L3MBTL1: variants seen among roughly 807,000 people sequenced by gnomAD.
L3MBTL1 encodes L3MBTL histone methyl-lysine binding protein 1.
L3MBTL1 carries 75 observed loss-of-function variants against 105.3 expected under a neutral mutation model. The ratio of observed to expected loss-of-function variants is 0.71; its 90% CI spans 0.59 to 0.86. The LOEUF (loss-of-function observed/expected upper bound fraction) is 0.86. Among genes scored for constraint, L3MBTL1 ranks in the 40% least tolerant of loss-of-function variants. L3MBTL1 has a pLI of 0.00. For missense variants in L3MBTL1, 1,069 were observed against 1,126.4 expected, an observed-to-expected ratio of 0.95 and a Z score of 0.73; for synonymous variants, 452 against 436.2, an observed-to-expected ratio of 1.04 and a Z score of -0.45.
chr20:43,512,144 C>T (rs185840436), intron 1 of L3MBTL1, among the ~76,000 whole-genome samples: 4 of 152,178 alleles, frequency 2.6e-5, no homozygotes, highest in East Asian at 3.9e-4. Flanking sequence ...AAAGCTTTTT[C>T]GACTGGAGAG....
chr20:43,508,902 C>G (rs2018057800), intron 1 of L3MBTL1, among the ~76,000 whole-genome samples: 1 of 152,204 alleles, frequency 6.6e-6, no homozygotes, highest in African/African-American at 2.4e-5. Flanking sequence ...GGGGTCTTTA[C>G]ACCTCATAGC....
At chr20:43,543,413 C>G (rs1043821862), downstream of L3MBTL1, among the ~76,000 whole-genome samples, 1 of 152,212 alleles carries the variant, frequency 6.6e-6, no homozygotes, top group Non-Finnish European at 1.5e-5. Flanking sequence ...ATCCTCCAGC[C>G]TATGCTTGGC....
At chr20:43,525,812 G>A (rs1045289893) in intron 7 of L3MBTL1, among the ~76,000 whole-genome samples, 1 of 152,164 alleles carries the variant, frequency 6.6e-6, no homozygotes, top group Non-Finnish European at 1.5e-5. Context: ...GACTCAAGGA[G>A]ACCATGTATA....
intron 9 of L3MBTL1, 45 bp from the exon 10 acceptor site, chr20:43,530,239 G>A (rs762993822): frequency 3.0e-5 from 48 of 1,612,266 alleles, no homozygotes; most frequent in Non-Finnish European, 3.9e-5. Context: ...TGGGGAGTGG[G>A]GCATCTCCTG....
At chr20:43,542,197 G>A (rs1285107908), downstream of L3MBTL1, among the ~76,000 whole-genome samples, 1 of 152,204 alleles carries the variant, frequency 6.6e-6, no homozygotes, top group African/African-American at 2.4e-5. Context: ...GCAACAGAAC[G>A]AAACTCTGTC....
At chr20:43,520,630 A>G (rs1257140550) in intron 7 of L3MBTL1, among the ~76,000 whole-genome samples, 1 of 152,124 alleles carries the variant, frequency 6.6e-6, no homozygotes, top group Non-Finnish European at 1.5e-5. Context: ...TTTGATTTGC[A>G]TTTCCCTGAT....
At chr20:43,520,381 G>A (rs1216074467) in intron 7 of L3MBTL1, among the ~76,000 whole-genome samples, 1 of 152,126 alleles carries the variant, frequency 6.6e-6, no homozygotes, top group East Asian at 1.9e-4. Context: ...TTTTTGTGTG[G>A]ACATATGGAC....
At chr20:43,543,322 C>T (rs994780082), downstream of L3MBTL1, among the ~76,000 whole-genome samples, 10 of 152,172 alleles carry the variant, frequency 6.6e-5, no homozygotes, top group Non-Finnish European at 8.8e-5. Flanking sequence ...CCACGTGGCA[C>T]GCTGTTTCAA....
rs1568928740 is a variant in L3MBTL1, at chr20:43,540,759, G to A, written c.2338G>A (p.Gly780Ser). The A allele has an allele frequency of 1.9e-6, 3 of 1,614,126 alleles. No homozygotes were observed. Among genetic ancestry groups the A allele is most frequent in the African/African-American group, 1.3e-5 (1 of 75,034 alleles). ...VAKWTIDEVF[G>S]FVQTLTGCED... is the part of the protein sequence containing the mutation. ...GTCATCTTTGGTTTCCAAGGTCTTCGGCTTTGTTCAGACCCTGACAGGTTG... is the reference window on the plus strand; with the variant it reads ...GTCATCTTTGGTTTCCAAGGTCTTCAGCTTTGTTCAGACCCTGACAGGTTG... Residue 780 changes from glycine (G) to serine (S), a missense_variant, in exon 21 of 22, where the codon GGC (glycine) becomes AGC (serine). Physicochemically the swap from Gly to Ser is moderately conservative, Grantham distance 56. Coordinates refer to ENST00000418998, the MANE Select transcript of L3MBTL1 (RefSeq NM_001377303.1).
At chr20:43,526,227 G>C (rs1043958550) in intron 7 of L3MBTL1, among the ~76,000 whole-genome samples, 1 of 152,186 alleles carries the variant, frequency 6.6e-6, no homozygotes, top group African/African-American at 2.4e-5. Flanking sequence ...GGTTTGGGAA[G>C]AGTGAGGCAA....
At chr20:43,532,456 G>A (rs906314864) in intron 11 of L3MBTL1, 2 of 262,606 alleles carry the variant, frequency 7.6e-6, no homozygotes, top group African/African-American at 2.2e-5. Flanking sequence ...GCTGGGAAGG[G>A]CTTGTCTGGG....
chr20:43,527,722 CTTT>C (rs113455397), intron 7 of L3MBTL1, among the ~76,000 whole-genome samples: 13 of 141,740 alleles, frequency 9.2e-5, no homozygotes, highest in Admixed American at 1.4e-4. Flanking sequence ...AAAAGTGTTT[CTTT>C]TTTTTTTTTT....
chr20:43,522,218 G>A (rs2018748131), intron 7 of L3MBTL1, among the ~76,000 whole-genome samples: 1 of 152,030 alleles, frequency 6.6e-6, no homozygotes, highest in African/African-American at 2.4e-5. Flanking sequence ...AGCCAGGCGT[G>A]GTGGCGTGCC....
chr20:43,530,607 C>T (rs915116499), intron 10 of L3MBTL1, 188 bp downstream of exon 10: 26 of 775,776 alleles, frequency 3.4e-5, no homozygotes, highest in East Asian at 8.0e-5. Context: ...CTAGAACTTC[C>T]GCTTTGCACT....
chr20:43,540,905 C>T, intron 21 of L3MBTL1, 29 bp from the exon 22 acceptor site: 1 of 1,613,256 alleles, frequency 6.2e-7, no homozygotes, highest in Non-Finnish European at 8.5e-7. Context: ...GTCACTTCTG[C>T]TAAGGAGGGA....
intron 1 of L3MBTL1, among the ~76,000 whole-genome samples, chr20:43,512,042 C>G (rs915136350): frequency 6.6e-6 from 1 of 152,004 alleles, no homozygotes; most frequent in Non-Finnish European, 1.5e-5. Context: ...GTCAGATTTT[C>G]TAGGGCAAAG....
Position 43,541,258 on chromosome 20 carries a change from G to T in L3MBTL1, c.*130G>T. On this transcript the variant is annotated 3_prime_UTR_variant, in exon 22 of 22. Transcript: ENST00000418998. ...ATCAAGAGCCAAGGAGTAGTGAGTT[G>T]TAGATAAAAAAAGAATGTCAGCTTT... The T allele has an allele frequency of 6.8e-7, 1 of 1,460,764 alleles. No homozygotes were observed. 90.5% of individuals were successfully genotyped at this position (1,460,764 alleles called of 1,614,324 possible). A position where few individuals can be genotyped will look rare whatever the true frequency, so the allele number is the denominator to read the frequency against.
intron 20 of L3MBTL1, 35 bp downstream of exon 20, chr20:43,540,343 C>T (rs746668583): frequency 6.2e-7 from 1 of 1,605,590 alleles, no homozygotes; most frequent in Non-Finnish European, 8.5e-7. Context: ...TCCTTCTCTT[C>T]CTCTCCTCCT....
intron 6 of L3MBTL1, 28 bp from the exon 7 acceptor site, chr20:43,516,065 A>C (rs369264546): frequency 1.3e-6 from 2 of 1,564,452 alleles, no homozygotes; most frequent in African/African-American, 1.4e-5. Flanking sequence ...TGAGGAGAAG[A>C]AGCTGGGATC....
Sources: allele counts gnomAD v4.1 joint callset (sites outside exome capture counted in the v4.1 genomes callset), GRCh38; gene constraint gnomAD v4.1.1; transcripts MANE v1.5; gene names NCBI Gene and HGNC (gene_info 2026-07-23, HGNC 2026-07-21).